MPDZ: variants seen among roughly 807,000 people sequenced by gnomAD.
The protein encoded by MPDZ is multiple PDZ domain protein.
MPDZ carries 234 observed loss-of-function variants against 239.1 expected under a neutral mutation model. That is an observed-to-expected ratio of 0.98 (90% CI 0.88 to 1.09). The LOEUF is 1.09. Ranked by LOEUF, MPDZ falls within the 50% of genes least tolerant of loss-of-function variation. The probability of loss-of-function intolerance (pLI) is 0.00; values close to 1 mark genes in which losing one functional copy is unlikely to be tolerated. For missense variants in MPDZ, 3,175 were observed against 2,510.0 expected (o/e 1.26, Z -5.66); for synonymous variants, 1,048 against 881.3 (o/e 1.19, Z -3.35).
At chr9:13,269,658 G>C (rs1416130590) in intron 1 of MPDZ, among the ~76,000 whole-genome samples, 6 of 152,190 alleles carry the variant, frequency 3.9e-5, no homozygotes, top group African/African-American at 1.4e-4. Flanking sequence ...AATAAAAGAA[G>C]TATTTTTCAT....
chr9:13,125,952 A>G (rs564402734), intron 34 of MPDZ, among the ~76,000 whole-genome samples: 3 of 152,324 alleles, frequency 2.0e-5, no homozygotes, highest in Non-Finnish European at 4.4e-5. Context: ...TGAAGAAATG[A>G]TAAGTTATAT....
chr9:13,160,429 G>C (rs1400063154), intron 23 of MPDZ, among the ~76,000 whole-genome samples: 1 of 152,076 alleles, frequency 6.6e-6, no homozygotes, highest in Non-Finnish European at 1.5e-5. Flanking sequence ...GTCTGTGCTT[G>C]GAGGAAGCAC....
chr9:13,157,806 G>A (rs1342280739), intron 24 of MPDZ, among the ~76,000 whole-genome samples: 6 of 152,052 alleles, frequency 3.9e-5, no homozygotes, highest in African/African-American at 1.4e-4. Flanking sequence ...TCCCTACTAT[G>A]TGCCAGATAT....
chr9:13,197,890 CTCCAGTTTCA>C (rs1425248475), intron 12 of MPDZ, among the ~76,000 whole-genome samples: 2 of 152,038 alleles, frequency 1.3e-5, no homozygotes, highest in Non-Finnish European at 2.9e-5. Flanking sequence ...ACACAATGTC[CTCCAGTTTCA>C]TCCATGTTGT....
intron 1 of MPDZ, among the ~76,000 whole-genome samples, chr9:13,253,276 A>G (rs1393869370): frequency 1.3e-5 from 2 of 151,010 alleles, no homozygotes; most frequent in African/African-American, 2.4e-5. Context: ...TTGTATTTCA[A>G]TGACTTTAAA....
intron 24 of MPDZ, among the ~76,000 whole-genome samples, chr9:13,156,746 T>C (rs1281585640): frequency 6.6e-6 from 1 of 152,220 alleles, no homozygotes. Flanking sequence ...CTTTTTTTCC[T>C]GTGATTACTG....
intron 28 of MPDZ, 134 bp from the exon 29 acceptor site, chr9:13,138,287 T>C (rs1458321415): frequency 1.0e-6 from 1 of 992,814 alleles, no homozygotes; most frequent in Non-Finnish European, 1.4e-6. Context: ...AGTTAAAAGC[T>C]AAATAGACTA....
At chr9:13,141,600 T>C (rs1490555847) in intron 27 of MPDZ, among the ~76,000 whole-genome samples, 1 of 152,002 alleles carries the variant, frequency 6.6e-6, no homozygotes, top group Non-Finnish European at 1.5e-5. Flanking sequence ...AATATTATGA[T>C]TTTTTTTAAA....
intron 22 of MPDZ, among the ~76,000 whole-genome samples, chr9:13,164,534 G>A (rs1950827455): frequency 6.6e-6 from 1 of 151,900 alleles, no homozygotes; most frequent in Admixed American, 6.6e-5. Flanking sequence ...AAGAAAGGCA[G>A]GATAGAATAG....
chr9:13,243,209 C>A (rs912394662), intron 3 of MPDZ, among the ~76,000 whole-genome samples: 3 of 151,942 alleles, frequency 2.0e-5, no homozygotes, highest in African/African-American at 7.3e-5. Context: ...TCTTATTATT[C>A]TTTGTATTTT....
intron 2 of MPDZ, 113 bp downstream of exon 2, chr9:13,250,187 A>G: frequency 1.0e-6 from 1 of 983,072 alleles, no homozygotes; most frequent in Non-Finnish European, 1.5e-6. Context: ...AAAACTTTTT[A>G]AATCTAGATA....
At chr9:13,164,112 C>T (rs1950776490) in intron 22 of MPDZ, among the ~76,000 whole-genome samples, 1 of 152,184 alleles carries the variant, frequency 6.6e-6, no homozygotes, top group Non-Finnish European at 1.5e-5. Flanking sequence ...CTCTCCTGGT[C>T]ATACTGATCA....
At chr9:13,147,173 C>T (rs1948547632) in intron 26 of MPDZ, among the ~76,000 whole-genome samples, 1 of 151,914 alleles carries the variant, frequency 6.6e-6, no homozygotes, top group Non-Finnish European at 1.5e-5. Flanking sequence ...AAGAAAATGT[C>T]ATTTCTTTGG....
At chr9:13,185,213 T>C (rs1953933205) in intron 18 of MPDZ, among the ~76,000 whole-genome samples, 1 of 151,998 alleles carries the variant, frequency 6.6e-6, no homozygotes, top group Non-Finnish European at 1.5e-5. Flanking sequence ...AGTGTGAAAT[T>C]ATTGCATTTA....
At chr9:13,247,970 T>C (rs1173987368) in intron 2 of MPDZ, among the ~76,000 whole-genome samples, 169 bp from the exon 3 acceptor site, 1 of 152,204 alleles carries the variant, frequency 6.6e-6, no homozygotes, top group Non-Finnish European at 1.5e-5. Context: ...CTCATGCCTG[T>C]AATCCCAGCA....
At position 13,110,735 on chromosome 9, in the gene MPDZ, C is replaced by G. The variant is rs763952738; in HGVS notation, c.5730G>C (p.Gly1910=). 3.2e-5 allele frequency: 52 copies of G among 1,612,202 alleles called. No individual in the cohort carries two copies. The highest frequency in any genetic ancestry group is 4.2e-5 in the Non-Finnish European group (50 of 1,179,084). Residue 1910 remains glycine, a synonymous_variant, in exon 44 of 47, where the codon GGG becomes GGC. Transcript: ENST00000319217. ...TGCCACAGATGGTGACAATCCTATC[C>G]CCAACCTGCAAGGGAGAGAAAGAAA... is the stretch of plus-strand genomic sequence containing the variant. The part of the protein sequence containing the change: ...VAAQTQKLRV[G]DRIVTICGTS...
At position 13,168,520 on chromosome 9, in the gene MPDZ, G is replaced by C. The variant is rs755276577; in HGVS notation, c.3100C>G (p.Arg1034Gly). 9 of 1,612,562 alleles carry C rather than the reference G, an allele frequency of 5.6e-6. No individual in the cohort carries two copies. The highest frequency in any genetic ancestry group is 7.6e-6 in the Non-Finnish European group (9 of 1,179,350). The change falls in exon 22 of 47, where the codon CGA (arginine) becomes GGA (glycine). Residue 1034 changes from arginine (R) to glycine (G), a missense_variant. Coordinates refer to ENST00000319217, the MANE Select transcript of MPDZ (RefSeq NM_001378778.1). ...ANKDGLGMIV[R>G]SIIHGGAISR... ...ATGGCACCTCCATGAATAATGCTTC[G>C]AACGATCATCCCCAAGCCATCTTTA...
At chr9:13,251,678 A>G (rs775472327) in intron 1 of MPDZ, among the ~76,000 whole-genome samples, 33 of 152,332 alleles carry the variant, frequency 2.2e-4, no homozygotes, top group Non-Finnish European at 4.1e-4. Flanking sequence ...TTCATTTGGC[A>G]AAAAGGGAAG....
chr9:13,247,146 C>CA (rs771775609), intron 3 of MPDZ, among the ~76,000 whole-genome samples: 4 of 152,176 alleles, frequency 2.6e-5, no homozygotes, highest in Admixed American at 1.3e-4. Context: ...GTGAGAATTG[C>CA]AATTCCTCTA....
Sources: allele counts gnomAD v4.1 joint callset (sites outside exome capture counted in the v4.1 genomes callset), GRCh38; gene constraint gnomAD v4.1.1; transcripts MANE v1.5; gene names NCBI Gene and HGNC (gene_info 2026-07-23, HGNC 2026-07-21).